The following FNIP2 variants were observed in gnomAD, a reference collection of about 807,000 sequenced individuals.
FNIP2 encodes folliculin interacting protein 2, also known as folliculin-interacting protein 2.
In FNIP2, 32 loss-of-function variants were observed where a neutral mutation model predicts 108.7. The observed-to-expected ratio is 0.29, with a 90% CI of 0.22 to 0.40. FNIP2 has a LOEUF of 0.40. FNIP2 is among the 10% of genes least tolerant of loss of function. The probability of loss-of-function intolerance (pLI) is 1.00; values close to 1 mark genes in which losing one functional copy is unlikely to be tolerated. For missense variants in FNIP2, 1,202 were observed against 1,381.6 expected, an observed-to-expected ratio of 0.87 and a Z score of 2.06; for synonymous variants, 480 against 496.7, an observed-to-expected ratio of 0.97 and a Z score of 0.45.
chr4:158,903,172 A>G (rs745791529), intron 16 of FNIP2, among the ~76,000 whole-genome samples: 1 of 152,204 alleles, frequency 6.6e-6, no homozygotes, highest in Non-Finnish European at 1.5e-5. Flanking sequence ...GGAAAAGTGC[A>G]GTATCCAGAC....
rs774140894 is a variant in FNIP2, at chr4:158,868,160, G to T, written c.1524G>T (p.Gly508=). 7 of 1,614,060 alleles carry T rather than the reference G, an allele frequency of 4.3e-6. No homozygotes were observed. Among genetic ancestry groups the T allele is most frequent in the South Asian group, 1.1e-5 (1 of 91,082 alleles). The change falls in exon 13 of 17, where the codon GGG becomes GGT. Residue 508 remains glycine (G), a synonymous_variant. Transcript: ENST00000264433. This position sits in a 1 kb window ranked among gnomAD's most constrained non-coding sequence, Gnocchi z 4.6. ...PVRLTRTVVV[G]KQKDLVQRIL... is the part of the protein sequence containing the mutation. ...GACTGACTCGCACCGTAGTGGTAGG[G>T]AAGCAGAAGGACTTAGTCCAGCGAA...
At position 158,861,611 on chromosome 4, in the gene FNIP2, T is replaced by A. The variant is rs773697417; in HGVS notation, c.1300T>A (p.Phe434Ile). 2 of 1,613,892 alleles carry A rather than the reference T, an allele frequency of 1.2e-6. No homozygotes were observed. The highest frequency in any genetic ancestry group is 2.7e-5 in the African/African-American group (2 of 74,922). The change falls in exon 12 of 17, where the codon TTT becomes ATT. Residue 434 changes from phenylalanine (F) to isoleucine (I), a missense_variant. Transcript: ENST00000264433. ...ATCTTTTTCCATTTCTCCAAGGTTT[T>A]TTGCTGCCTTACTGACTGCGGTGTT... is the stretch of plus-strand genomic sequence containing the variant. The part of the protein sequence containing the change: ...LIEQINKNQF[F>I]AALLTAVLTY...
At chr4:158,823,991 T>A (rs956690137) in intron 1 of FNIP2, among the ~76,000 whole-genome samples, 1 of 152,198 alleles carries the variant, frequency 6.6e-6, no homozygotes. Context: ...TGAAAGAAGG[T>A]ACAACCAGAA....
intron 1 of FNIP2, among the ~76,000 whole-genome samples, chr4:158,781,890 G>GT (rs140586802): frequency 0.041 from 6,188 of 151,246 alleles, 214 homozygotes; most frequent in Admixed American, 0.12. Context: ...CTCTAAATGA[G>GT]TTTTTTTTTC....
In FNIP2 at chr4:158,894,211, CCCAGGTTATAGTGCAG is replaced by C. The variant is rs549039383; in HGVS notation, c.3151-1538_3151-1523del. The stretch of plus-strand genomic sequence containing the variant: ...TTTGAGACAGAGTTTCATTTTGTCA[CCCAGGTTATAGTGCAG>C]TAGTATGATGTTGGCTCACTGCAGC... On this transcript the variant is annotated intron_variant, in intron 15 of 16. Coordinates refer to ENST00000264433, the MANE Select transcript of FNIP2 (RefSeq NM_020840.3). Among the ~76,000 whole-genome samples the C allele has an allele frequency of 2.2e-3, 320 of 148,482 alleles. 2 individuals carry two copies. Among genetic ancestry groups the C allele is most frequent in the African/African-American group, 7.7e-3 (308 of 39,764 alleles).
At chr4:158,852,441 T>C (rs1779751954) in intron 8 of FNIP2, among the ~76,000 whole-genome samples, 1 of 152,214 alleles carries the variant, frequency 6.6e-6, no homozygotes, top group African/African-American at 2.4e-5. Flanking sequence ...TTGGTGGACT[T>C]TGAATGAGAT....
intron 1 of FNIP2, among the ~76,000 whole-genome samples, chr4:158,781,666 C>CT: frequency 6.6e-6 from 1 of 152,116 alleles, no homozygotes. Context: ...AGGCGCATGC[C>CT]ACCATGCTTG....
chr4:158,883,877 T>C (rs1447841840), intron 14 of FNIP2, among the ~76,000 whole-genome samples: 1 of 152,072 alleles, frequency 6.6e-6, no homozygotes, highest in East Asian at 1.9e-4. Context: ...GGGAGACTCA[T>C]TGGGCTAAAA....
chr4:158,819,519 C>T (rs1344119350), intron 1 of FNIP2, among the ~76,000 whole-genome samples: 1 of 152,210 alleles, frequency 6.6e-6, no homozygotes, highest in Non-Finnish European at 1.5e-5. Flanking sequence ...TTATGCAGTT[C>T]CACTGAAATT....
intron 1 of FNIP2, among the ~76,000 whole-genome samples, chr4:158,793,836 A>G (rs970150744): frequency 1.3e-5 from 2 of 152,048 alleles, no homozygotes; most frequent in African/African-American, 4.8e-5. Flanking sequence ...TACTCCTTCT[A>G]TTGGTTGCTG....
intron 14 of FNIP2, among the ~76,000 whole-genome samples, chr4:158,885,610 C>G (rs773499249): frequency 1.3e-5 from 2 of 152,122 alleles, no homozygotes; most frequent in Non-Finnish European, 2.9e-5. Context: ...GACAGCAGGA[C>G]GAACATTTGA....
At chr4:158,811,638 A>G (rs1335097003) in intron 1 of FNIP2, among the ~76,000 whole-genome samples, 2 of 151,522 alleles carry the variant, frequency 1.3e-5, no homozygotes, top group Non-Finnish European at 2.9e-5. Flanking sequence ...CTAGAGGTAG[A>G]GCTTGTGAAG....
intron 1 of FNIP2, among the ~76,000 whole-genome samples, chr4:158,804,333 T>C (rs777705710): frequency 6.6e-6 from 1 of 151,722 alleles, no homozygotes; most frequent in African/African-American, 2.4e-5. Flanking sequence ...CTGCATGAGG[T>C]ACAAAAATGA....
chr4:158,906,542 G>C lies in FNIP2; in HGVS notation c.*1998G>C, dbSNP rs1232077869. The C allele has an allele frequency of 6.6e-6, 1 of 151,938 alleles. No homozygotes were observed. Among genetic ancestry groups the C allele is most frequent in the African/African-American group, 2.4e-5 (1 of 41,340 alleles). The allele number at this position is 151,938 out of a possible 1,614,324, so 9.4% of individuals were successfully genotyped here. A position where few individuals can be genotyped will look rare whatever the true frequency, so the allele number is the denominator to read the frequency against. ...TATACATTAAAAAAATTCAGCCCAG[G>C]CCCCTCAAAGCCTGAGAAAATTTAA... On this transcript the variant is annotated 3_prime_UTR_variant, in exon 17 of 17. Transcript: ENST00000264433.
At chr4:158,888,712 A>C (rs1267570437) in intron 14 of FNIP2, among the ~76,000 whole-genome samples, 1 of 151,038 alleles carries the variant, frequency 6.6e-6, no homozygotes, top group East Asian at 2.0e-4. Flanking sequence ...AACACAGCAA[A>C]ACCCTGTCTC....
At chr4:158,871,377 C>T (rs1437151859) in intron 14 of FNIP2, 2 of 985,140 alleles carry the variant, frequency 2.0e-6, no homozygotes, top group Admixed American at 6.2e-5. Context: ...CAGAATTTGG[C>T]CTGTTACCTA....
intron 1 of FNIP2, among the ~76,000 whole-genome samples, chr4:158,788,613 T>C (rs576416929): frequency 6.6e-6 from 1 of 152,358 alleles, no homozygotes; most frequent in East Asian, 1.9e-4. Context: ...TGCTTCATGT[T>C]GTTTATCCCC....
intron 1 of FNIP2, among the ~76,000 whole-genome samples, chr4:158,784,149 A>C (rs989768872): frequency 2.6e-5 from 4 of 152,262 alleles, no homozygotes; most frequent in African/African-American, 7.2e-5. Context: ...TGTGATATTC[A>C]TGAAGCTGTA....
At chr4:158,860,759 C>T (rs1319083567) in intron 10 of FNIP2, among the ~76,000 whole-genome samples, 3 of 150,356 alleles carry the variant, frequency 2.0e-5, no homozygotes, top group Admixed American at 1.3e-4. Flanking sequence ...TGGGTTCAAG[C>T]GATTCTCCTG....
Sources: gnomAD v4.1 joint callset for allele counts (sites outside exome capture counted in the v4.1 genomes callset) on GRCh38, gnomAD v4.1.1 for gene constraint, Gnocchi (gnomAD v3.1) non-coding constraint, MANE v1.5 for transcripts, NCBI Gene and HGNC (gene_info 2026-07-23, HGNC 2026-07-21) for gene names.